The following PI4KA variants were observed in gnomAD, a reference collection of about 807,000 sequenced individuals.
The protein encoded by PI4KA is phosphatidylinositol 4-kinase alpha, also known as PI4-kinase alpha.
Under a neutral mutation model 271.4 loss-of-function variants are expected in PI4KA, and 122 were observed. The observed-to-expected ratio is 0.45, with a 90% confidence interval of 0.39 to 0.52. PI4KA has a LOEUF of 0.52. Among genes scored for constraint, PI4KA ranks in the 20% least tolerant of loss-of-function variants. The pLI, the probability that PI4KA is intolerant of heterozygous loss-of-function variation, is 0.00. For missense variants in PI4KA, 1,969 were observed against 2,769.1 expected (o/e 0.71, Z 6.48); for synonymous variants, 1,041 against 1,078.8 (o/e 0.96, Z 0.69).
chr22:20,719,076 GCACACGCTA>G (rs1926382914), intron 43 of PI4KA, among the ~76,000 whole-genome samples: 1 of 152,126 alleles, frequency 6.6e-6, no homozygotes, highest in African/African-American at 2.4e-5. Flanking sequence ...CCTCACTGCT[GCACACGCTA>G]CACACGCAGG....
intron 52 of PI4KA, chr22:20,710,433 G>T: frequency 1.8e-6 from 1 of 560,846 alleles, no homozygotes; most frequent in Middle Eastern, 4.9e-4. Flanking sequence ...TTTGGTGACA[G>T]GGTGGATGGG....
chr22:20,739,165 GA>G (rs1402605726), intron 32 of PI4KA, among the ~76,000 whole-genome samples: 1 of 151,098 alleles, frequency 6.6e-6, no homozygotes, highest in Non-Finnish European at 1.5e-5. Context: ...CTAACACAGT[GA>G]AACCCCGTCT....
Position 20,834,476 on chromosome 22 carries a change from TGTCA to T in PI4KA, c.367+82_367+85del, listed in dbSNP as rs1924604661. The T allele has an allele frequency of 4.9e-6, 4 of 821,884 alleles. No homozygotes were observed. In the South Asian group the frequency reaches 5.7e-5, roughly 12 times the overall value. The allele number at this position is 821,884 out of a possible 1,614,324, so 50.9% of individuals were successfully genotyped here. A position where few individuals can be genotyped will look rare whatever the true frequency, so the allele number is the denominator to read the frequency against. ...GGAGGGAGACAAGATGCATCTGATG[TGTCA>T]GTATGAATAAACACTTGATCCTACA... On this transcript the variant is annotated intron_variant, in intron 3 of 54. Transcript: ENST00000255882.
chr22:20,727,088 A>G, intron 41 of PI4KA, 142 bp downstream of exon 41: 2 of 652,516 alleles, frequency 3.1e-6, no homozygotes, highest in Non-Finnish European at 5.0e-6. Context: ...CATCTTCTAC[A>G]ACTACTTGAG....
At chr22:20,770,730 C>T (rs981593278) in intron 19 of PI4KA, among the ~76,000 whole-genome samples, 2 of 151,888 alleles carry the variant, frequency 1.3e-5, no homozygotes, top group Non-Finnish European at 2.9e-5. Context: ...TTCTACTACA[C>T]TATTCTTTCA....
At chr22:20,857,977 T>C (rs1927815538) in intron 1 of PI4KA, among the ~76,000 whole-genome samples, 1 of 152,184 alleles carries the variant, frequency 6.6e-6, no homozygotes, top group South Asian at 2.1e-4. Flanking sequence ...CTGTCCCTTC[T>C]GCAAACGCAC....
intron 19 of PI4KA, among the ~76,000 whole-genome samples, chr22:20,789,709 A>T (rs978701010): frequency 1.3e-5 from 2 of 152,226 alleles, no homozygotes; most frequent in African/African-American, 2.4e-5. Context: ...AAGAGAGTAC[A>T]TAAGCCAGGC....
chr22:20,849,943 A>G (rs1382131197), intron 1 of PI4KA, among the ~76,000 whole-genome samples: 1 of 152,204 alleles, frequency 6.6e-6, no homozygotes, highest in Non-Finnish European at 1.5e-5. Context: ...AAATCTACAG[A>G]GACAGAAAGT....
intron 23 of PI4KA, among the ~76,000 whole-genome samples, chr22:20,759,113 G>A (rs1237550952): frequency 6.6e-6 from 1 of 152,122 alleles, no homozygotes; most frequent in Non-Finnish European, 1.5e-5. Flanking sequence ...GCAGTGGTGC[G>A]ATCCTGGCTC....
chr22:20,766,001 G>A (rs939111882), intron 19 of PI4KA, among the ~76,000 whole-genome samples: 1 of 152,212 alleles, frequency 6.6e-6, no homozygotes. Context: ...AGTTCCCAGA[G>A]AAAGTGTCAT....
At chr22:20,851,299 A>C (rs1480589820) in intron 1 of PI4KA, among the ~76,000 whole-genome samples, 1 of 152,054 alleles carries the variant, frequency 6.6e-6, no homozygotes, top group African/African-American at 2.4e-5. Context: ...GGATGGTGCC[A>C]TCTTTTGCTT....
chr22:20,799,024 T>C, intron 16 of PI4KA, 69 bp downstream of exon 16: 1 of 1,272,670 alleles, frequency 7.9e-7, no homozygotes, highest in Non-Finnish European at 1.1e-6. Context: ...TATTTGTACA[T>C]CCCTTATAGT....
chr22:20,758,574 C>T (rs1188067477), intron 23 of PI4KA, among the ~76,000 whole-genome samples: 5 of 150,418 alleles, frequency 3.3e-5, no homozygotes, highest in South Asian at 2.1e-4. Context: ...AAATTGGACA[C>T]CCCTGGTCTA....
intron 1 of PI4KA, among the ~76,000 whole-genome samples, chr22:20,847,717 A>C (rs5761000): frequency 0.069 from 10,494 of 151,366 alleles, 353 homozygotes; most frequent in East Asian, 0.08. Flanking sequence ...ACTGCATACC[A>C]CTGCTCTCCA....
intron 19 of PI4KA, among the ~76,000 whole-genome samples, chr22:20,770,330 T>C (rs1932811864): frequency 6.6e-6 from 1 of 150,438 alleles, no homozygotes; most frequent in Non-Finnish European, 1.5e-5. Flanking sequence ...CTGGGCAACA[T>C]GGTAAAACCC....
At position 20,707,797 on chromosome 22, in the gene PI4KA, G is replaced by A. The variant is rs1341485892; in HGVS notation, c.*250C>T. 6.8e-6 allele frequency: 4 copies of A among 585,208 alleles called. No homozygotes were observed. The highest frequency in any genetic ancestry group is 3.8e-5 in the African/African-American group (2 of 53,312). 36.3% of individuals were successfully genotyped at this position (585,208 alleles called of 1,614,324 possible). The stretch of plus-strand genomic sequence containing the variant: ...GTACCTATGAAATAAGACAGGTAGG[G>A]AATATGTCCAGTGCAAACAGAGGAC... On this transcript the variant is annotated 3_prime_UTR_variant, in exon 55 of 55. Coordinates refer to ENST00000255882, the MANE Select transcript of PI4KA (RefSeq NM_058004.4).
At chr22:20,709,118 C>T (rs1211796877) in intron 54 of PI4KA, among the ~76,000 whole-genome samples, 178 bp downstream of exon 54, 22 of 151,708 alleles carry the variant, frequency 1.5e-4, no homozygotes, top group Non-Finnish European at 8.8e-5. Context: ...CCTCGGCACA[C>T]CACAGCCCCC....
At chr22:20,852,048 C>T (rs1927048735) in intron 1 of PI4KA, among the ~76,000 whole-genome samples, 1 of 152,156 alleles carries the variant, frequency 6.6e-6, no homozygotes, top group Admixed American at 6.6e-5. Context: ...GGCATGAACC[C>T]AGGAGGCAGA....
intron 5 of PI4KA, 61 bp downstream of exon 5, chr22:20,820,478 A>G: frequency 9.1e-7 from 1 of 1,095,766 alleles, no homozygotes. Flanking sequence ...AAGACTGGAG[A>G]AAAGCAAGGG....
Sources: allele counts gnomAD v4.1 joint callset (sites outside exome capture counted in the v4.1 genomes callset), GRCh38; gene constraint gnomAD v4.1.1; transcripts MANE v1.5; gene names NCBI Gene and HGNC (gene_info 2026-07-23, HGNC 2026-07-21).